NRG1: variants seen among roughly 807,000 people sequenced by gnomAD.
NRG1 encodes the protein neuregulin 1.
In NRG1, 18 loss-of-function variants were observed where a neutral mutation model predicts 63.8. The observed-to-expected ratio is 0.28, with a 90% CI of 0.19 to 0.42. The LOEUF is 0.42. Ranked by LOEUF, NRG1 falls within the 10% of genes least tolerant of loss-of-function variation. The pLI, the probability that NRG1 is intolerant of heterozygous loss-of-function variation, is 1.00. For synonymous variants in NRG1, 302 were observed against 301.3 expected (o/e 1.00, Z -0.02); for missense variants, 762 against 814.7 (o/e 0.94, Z 0.79).
chr8:32,564,312 C>T (rs974530278), intron 1 of NRG1, among the ~76,000 whole-genome samples: 4 of 152,164 alleles, frequency 2.6e-5, no homozygotes, highest in African/African-American at 9.7e-5. Flanking sequence ...ATATTTAAGT[C>T]TATCACCTGG....
chr8:32,311,946 G>T (rs1401186771), intron 1 of NRG1, among the ~76,000 whole-genome samples: 1 of 152,004 alleles, frequency 6.6e-6, no homozygotes, highest in Non-Finnish European at 1.5e-5. Context: ...AATTGCTTCC[G>T]ATTTCTTTTT....
At chr8:32,570,189 G>A (rs1031233821) in intron 1 of NRG1, among the ~76,000 whole-genome samples, 35 of 152,206 alleles carry the variant, frequency 2.3e-4, no homozygotes, top group Admixed American at 2.0e-3. Context: ...GATTACAGGC[G>A]TGAGCCACTG....
chr8:31,812,302 G>T (rs192657644), intron 1 of NRG1, among the ~76,000 whole-genome samples: 1 of 152,158 alleles, frequency 6.6e-6, no homozygotes, highest in Non-Finnish European at 1.5e-5. Context: ...ACAAGTTGCT[G>T]GTTGTCATTT....
At chr8:31,919,341 C>T (rs17607869) in intron 1 of NRG1, among the ~76,000 whole-genome samples, 30,474 of 150,708 alleles carry the variant, frequency 0.2, 3,467 homozygotes, top group Admixed American at 0.24. Flanking sequence ...ATTCCACTTA[C>T]GCTTTTCAAC....
At chr8:31,988,169 T>G (rs1299830227) in intron 1 of NRG1, among the ~76,000 whole-genome samples, 2 of 152,134 alleles carry the variant, frequency 1.3e-5, no homozygotes, top group Non-Finnish European at 2.9e-5. Flanking sequence ...CTTTCCTTTC[T>G]AGGGACAAAA....
At chr8:32,646,869 G>A (rs535743986) in intron 5 of NRG1, 6 of 985,096 alleles carry the variant, frequency 6.1e-6, no homozygotes, top group Non-Finnish European at 7.2e-6. Flanking sequence ...GCTCTAGAGT[G>A]TGGGTAGAGA....
In NRG1 at chr8:32,267,092, GAGAA is replaced by G. The variant is rs1262386911; in HGVS notation, c.38-328733_38-328730del. On this transcript the variant is annotated intron_variant, in intron 1 of 10. Coordinates refer to the NRG1 transcript ENST00000519301. The stretch of plus-strand genomic sequence containing the variant: ...AAAAAGAAAGAGAGAGAGAAAGAGA[GAGAA>G]AGGAAGGAAGGAAGGAGGGAAGGAA... 2.1e-4 allele frequency among the ~76,000 whole-genome samples: 29 copies of G among 139,652 alleles called. 1 individual carries two copies. Among genetic ancestry groups the G allele is most frequent in the Non-Finnish European group, 3.1e-5 (2 of 64,004 alleles). The allele number at this position is 139,652 out of a possible 152,430, so 91.6% of individuals were successfully genotyped here. A position where few individuals can be genotyped will look rare whatever the true frequency, so the allele number is the denominator to read the frequency against.
chr8:32,377,236 A>C (rs919135642), intron 1 of NRG1, among the ~76,000 whole-genome samples: 1 of 152,196 alleles, frequency 6.6e-6, no homozygotes, highest in Non-Finnish European at 1.5e-5. Context: ...AGCTTTCTTC[A>C]TGTGTTCCTT....
At chr8:32,554,795 A>G (rs777224007) in intron 1 of NRG1, among the ~76,000 whole-genome samples, 9 of 152,288 alleles carry the variant, frequency 5.9e-5, no homozygotes, top group African/African-American at 1.9e-4. Flanking sequence ...CTGCCTCTAC[A>G]TAAGAGCAGA....
At chr8:31,798,022 A>G (rs543867907) in intron 1 of NRG1, among the ~76,000 whole-genome samples, 40 of 152,122 alleles carry the variant, frequency 2.6e-4, no homozygotes, top group African/African-American at 9.4e-4. Flanking sequence ...TGGTTATTAG[A>G]GGCTGTGAGG....
chr8:32,762,822 A>C (rs1830962686), intron 11 of NRG1, among the ~76,000 whole-genome samples: 1 of 152,214 alleles, frequency 6.6e-6, no homozygotes, highest in African/African-American at 2.4e-5. Flanking sequence ...AGGACTTCTT[A>C]TACTGGGGGA....
intron 1 of NRG1, chr8:32,220,898 CT>C (rs1274686916): frequency 6.6e-6 from 1 of 152,190 alleles, no homozygotes; most frequent in Non-Finnish European, 1.5e-5. Flanking sequence ...AAACCTGGGG[CT>C]TTTAACCAGA....
chr8:31,961,427 A>T (rs1359651522), intron 1 of NRG1, among the ~76,000 whole-genome samples: 1 of 152,218 alleles, frequency 6.6e-6, no homozygotes, highest in Non-Finnish European at 1.5e-5. Context: ...ATTAAGAAAT[A>T]GATCTACTGA....
At chr8:31,760,626 C>G (rs1817438960) in intron 1 of NRG1, among the ~76,000 whole-genome samples, 1 of 152,102 alleles carries the variant, frequency 6.6e-6, no homozygotes, top group African/African-American at 2.4e-5. Context: ...ACAACCCCAT[C>G]AAAAAGTGGG....
At chr8:31,797,485 A>C (rs896713035) in intron 1 of NRG1, among the ~76,000 whole-genome samples, 1 of 152,342 alleles carries the variant, frequency 6.6e-6, no homozygotes, top group Admixed American at 6.5e-5. Context: ...AATACAAAGA[A>C]AAGTGAGCTC....
chr8:31,979,231 A>G (rs1447245760), intron 1 of NRG1, among the ~76,000 whole-genome samples: 1 of 152,078 alleles, frequency 6.6e-6, no homozygotes, highest in Non-Finnish European at 1.5e-5. Context: ...TTTATTCTCT[A>G]TGGGTTAACC....
chr8:31,921,329 T>A (rs1833896708), intron 1 of NRG1, among the ~76,000 whole-genome samples: 1 of 152,186 alleles, frequency 6.6e-6, no homozygotes, highest in Non-Finnish European at 1.5e-5. Context: ...TCAACTGCAC[T>A]GTCTCAGTGA....
chr8:32,443,273 C>G (rs928556592), intron 1 of NRG1, among the ~76,000 whole-genome samples: 2 of 152,104 alleles, frequency 1.3e-5, no homozygotes, highest in Non-Finnish European at 2.9e-5. Context: ...AATGTCCGAG[C>G]CTTTCCATTT....
intron 1 of NRG1, among the ~76,000 whole-genome samples, chr8:32,586,833 A>G (rs970010727): frequency 1.3e-4 from 20 of 152,204 alleles, no homozygotes; most frequent in African/African-American, 4.6e-4. Flanking sequence ...TGTAGTGACA[A>G]CAAGGCACAT....
Sources: gnomAD v4.1 joint callset for allele counts (sites outside exome capture counted in the v4.1 genomes callset) on GRCh38, gnomAD v4.1.1 for gene constraint, MANE v1.5 for transcripts, NCBI Gene and HGNC (gene_info 2026-07-23, HGNC 2026-07-21) for gene names.